The following NISCH variants were observed in gnomAD, a reference collection of about 807,000 sequenced individuals.
NISCH encodes nischarin.
NISCH carries 55 observed loss-of-function variants against 138.4 expected under a neutral mutation model. The ratio of observed to expected loss-of-function variants is 0.40; its 90% CI spans 0.32 to 0.50. NISCH has a LOEUF of 0.50. Among genes scored for constraint, NISCH ranks in the 20% least tolerant of loss-of-function variants. The probability of loss-of-function intolerance (pLI) is 0.71; values close to 1 mark genes in which losing one functional copy is unlikely to be tolerated. For missense variants in NISCH, 1,643 were observed against 2,005.5 expected, an observed-to-expected ratio of 0.82 and a Z score of 3.45; for synonymous variants, 860 against 861.5, an observed-to-expected ratio of 1.00 and a Z score of 0.03.
chr3:52,477,497 G>T (rs942359295), intron 8 of NISCH, 77 bp from the exon 9 acceptor site: 20 of 1,227,306 alleles, frequency 1.6e-5, no homozygotes, highest in Non-Finnish European at 2.4e-5. Flanking sequence ...GTCCTGGGGT[G>T]CCCGTCCACT....
At position 52,484,412 on chromosome 3, in the gene NISCH, G is replaced by C. The variant is rs1051910579; in HGVS notation, c.1529-101G>C. 2.5e-6 allele frequency: 3 copies of C among 1,178,442 alleles called. No homozygotes were observed. In the Admixed American group the frequency reaches 6.6e-5, roughly 26 times the overall value. The allele number at this position is 1,178,442 out of a possible 1,614,324, so 73.0% of individuals were successfully genotyped here. Reference sequence around the variant, plus strand: ...GGGTTTTGGGATCTGGCTAACCCCCGCCATGCCAGTAGCCTGAGGGGCCCA... The same window carrying C: ...GGGTTTTGGGATCTGGCTAACCCCCCCCATGCCAGTAGCCTGAGGGGCCCA... On this transcript the variant is annotated intron_variant, in intron 13 of 20. Coordinates refer to ENST00000345716, the MANE Select transcript of NISCH (RefSeq NM_007184.4).
At chr3:52,481,069 A>C in intron 13 of NISCH, 1 of 1,312,704 alleles carries the variant, frequency 7.6e-7, no homozygotes, top group Non-Finnish European at 9.7e-7. Context: ...GTTCAACCCG[A>C]TGTTTTAAGA....
Position 52,490,794 on chromosome 3 carries a change from G to A in NISCH, c.3703G>A (p.Val1235Ile), listed in dbSNP as rs1707541028. 2 of 1,614,098 alleles carry A rather than the reference G, an allele frequency of 1.2e-6. No homozygotes were observed. Among genetic ancestry groups the A allele is most frequent in the African/African-American group, 1.3e-5 (1 of 74,938 alleles). ...GCTAAAGCTTAGTGACCTGCAGTCA[G>A]TCAATGTGGGGCTTTTCGACCAGCA... ...FVLKLSDLQS[V>I]NVGLFDQHFR... is the part of the protein sequence containing the mutation. The change falls in exon 19 of 21, where the codon GTC becomes ATC. Residue 1235 changes from valine (V) to isoleucine (I), a missense_variant. Physicochemically the swap from Val to Ile is conservative, Grantham distance 29 (BLOSUM62 3). Transcript: ENST00000345716.
At chr3:52,455,820 C>A in intron 1 of NISCH, 86 bp downstream of exon 1, 1 of 1,000,218 alleles carries the variant, frequency 1.0e-6, no homozygotes, top group Non-Finnish European at 1.3e-6. Flanking sequence ...GGTCCGGGAT[C>A]TGCAGCCCCG....
chr3:52,472,179 T>C (rs1706969569), intron 5 of NISCH, 124 bp from the exon 6 acceptor site: 1 of 1,051,470 alleles, frequency 9.5e-7, no homozygotes, highest in African/African-American at 1.6e-5. Flanking sequence ...AATTAAGTCC[T>C]GGCCTGAGCC....
chr3:52,472,232 G>A (rs1706970847), intron 5 of NISCH, 71 bp from the exon 6 acceptor site: 3 of 1,412,732 alleles, frequency 2.1e-6, no homozygotes, highest in African/African-American at 1.4e-5. Flanking sequence ...TCTTCAACTT[G>A]TCAGCTGCTG....
Position 52,490,352 on chromosome 3 carries a change from G to C in NISCH, c.3613+121G>C, listed in dbSNP as rs1020378892. On this transcript the variant is annotated intron_variant, in intron 18 of 20. Transcript: ENST00000345716. ...CAGCAGTCAGCGACTTGGCTGCAGT[G>C]GGCTGAGAGTTCCTTGTCTGAGGAA... 18 of 1,118,090 alleles carry C rather than the reference G, an allele frequency of 1.6e-5. No individual in the cohort carries two copies. The African/African-American group carries it at 2.8e-4, about 17-fold the overall frequency. 69.3% of individuals were successfully genotyped at this position (1,118,090 alleles called of 1,614,324 possible).
chr3:52,491,541 C>A (rs752150709), intron 20 of NISCH, 28 bp downstream of exon 20: 1 of 1,594,306 alleles, frequency 6.3e-7, no homozygotes, highest in South Asian at 1.1e-5. Flanking sequence ...AGGCTGCAGA[C>A]AGGCTGCCTG....
Position 52,479,773 on chromosome 3 carries a change from A to T in NISCH, c.1327A>T (p.Thr443Ser). ...SEVCLDDTVT[T>S]EKELDTVEVL... ...GGTCTGTCTGGATGACACAGTGACC[A>T]CAGAGAAGGAGCTGGACACTGTGGA... Residue 443 changes from threonine (T) to serine (S), a missense_variant, in exon 12 of 21, where the codon ACA becomes TCA. Physicochemically the swap from Thr to Ser is moderately conservative, Grantham distance 58. Transcript: ENST00000345716. 5 of 1,613,652 alleles carry T rather than the reference A, an allele frequency of 3.1e-6. No homozygotes were observed. Among genetic ancestry groups the T allele is most frequent in the Non-Finnish European group, 4.2e-6 (5 of 1,179,790 alleles).
chr3:52,480,285 C>T lies in NISCH; in HGVS notation c.1518C>T (p.Leu506=), dbSNP rs183152498. The part of the protein sequence containing the change: ...PASASLPQPI[L]SNQGIMFVQE... ...CTGCCTCCCTGCCCCAGCCCATCCT[C>T]TCTAACCAAGGTAATCGTGTATGTA... Residue 506 remains leucine (L), a synonymous_variant, in exon 13 of 21, where the codon CTC becomes CTT. Coordinates refer to ENST00000345716, the MANE Select transcript of NISCH (RefSeq NM_007184.4). 6.2e-6 allele frequency: 10 copies of T among 1,613,900 alleles called. No homozygotes were observed. In the Admixed American group the frequency reaches 1.3e-4, roughly 22 times the overall value.
chr3:52,458,060 T>C (rs566403326), intron 2 of NISCH, 134 bp downstream of exon 2: 5 of 637,006 alleles, frequency 7.8e-6, no homozygotes, highest in African/African-American at 1.8e-5. Flanking sequence ...ACTTTGTTAA[T>C]ATAACTGCGT....
In NISCH at chr3:52,487,511, A is replaced by AGAGGAGGAG; in HGVS notation, c.2022_2030dup (p.Glu677_Glu679dup). On this transcript the variant is annotated inframe_insertion, in exon 16 of 21. Coordinates refer to ENST00000345716, the MANE Select transcript of NISCH (RefSeq NM_007184.4). This position sits in a 1 kb window ranked among gnomAD's most constrained non-coding sequence, Gnocchi z 9.1. ...AGGAGGGAGGAGGCCAGGGGGAGGA[A>AGAGGAGGAG]GAGGAGGAGGAAGAGGAGGATGAAG... The AGAGGAGGAG allele has an allele frequency of 6.3e-7, 1 of 1,597,286 alleles. No homozygotes were observed. Among genetic ancestry groups the AGAGGAGGAG allele is most frequent in the Non-Finnish European group, 8.6e-7 (1 of 1,167,808 alleles).
intron 20 of NISCH, 98 bp downstream of exon 20, chr3:52,491,611 G>A: frequency 7.3e-7 from 1 of 1,362,108 alleles, no homozygotes; most frequent in South Asian, 1.5e-5. Context: ...CTGCCTCTAT[G>A]TCTCTCTTTT....
At chr3:52,472,432 C>T in intron 6 of NISCH, 34 bp downstream of exon 6, 1 of 1,548,706 alleles carries the variant, frequency 6.5e-7, no homozygotes, top group Non-Finnish European at 8.9e-7. Flanking sequence ...TCCTCTCGCT[C>T]CCAACTCAGA....
At chr3:52,480,129 G>T (rs1707225517) in intron 12 of NISCH, 55 bp from the exon 13 acceptor site, 2 of 1,600,062 alleles carry the variant, frequency 1.2e-6, no homozygotes, top group African/African-American at 2.7e-5. Flanking sequence ...CCCTGGCCTT[G>T]GGGAGCTCTG....
At chr3:52,480,712 G>A in intron 13 of NISCH, 1 of 1,421,308 alleles carries the variant, frequency 7.0e-7, no homozygotes, top group Non-Finnish European at 9.2e-7. Context: ...GCAGGGAAAA[G>A]CTTGCTTTTA....
rs763802994 is a variant in NISCH, at chr3:52,487,964, C to G, written c.2472C>G (p.Leu824=). ...QHMAMLCSPI[L]YGSHTSLQEF... is the part of the protein sequence containing the mutation. ...TGGCCATGCTGTGTAGCCCCATCCT[C>G]TACGGCAGCCACACCAGCCTGCAGG... The change falls in exon 16 of 21, where the codon CTC becomes CTG. Residue 824 remains leucine (L), a synonymous_variant. Coordinates refer to ENST00000345716, the MANE Select transcript of NISCH (RefSeq NM_007184.4). The surrounding 1 kb of genome is among the most constrained non-coding windows in gnomAD (Gnocchi z 9.1). The G allele has an allele frequency of 1.9e-6, 3 of 1,611,244 alleles. No individual in the cohort carries two copies. Among genetic ancestry groups the G allele is most frequent in the Admixed American group, 3.3e-5 (2 of 59,990 alleles).
chr3:52,470,792 G>A (rs1438180982), intron 3 of NISCH, 67 bp from the exon 4 acceptor site: 11 of 1,298,560 alleles, frequency 8.5e-6, no homozygotes, highest in Admixed American at 3.4e-5. Flanking sequence ...GATAGATAGC[G>A]GGGAATGTGA....
intron 2 of NISCH, among the ~76,000 whole-genome samples, chr3:52,458,197 T>C (rs1251292427): frequency 2.0e-5 from 3 of 152,266 alleles, no homozygotes; most frequent in South Asian, 2.1e-4. Context: ...GACAGTTTCC[T>C]GGGAAGGGGA....
Sources: gnomAD v4.1 joint callset for allele counts (sites outside exome capture counted in the v4.1 genomes callset) on GRCh38, gnomAD v4.1.1 for gene constraint, Gnocchi (gnomAD v3.1) non-coding constraint, MANE v1.5 for transcripts, NCBI Gene and HGNC (gene_info 2026-07-23, HGNC 2026-07-21) for gene names.